Variants in C4BPA observed in about 807,000 individuals in gnomAD.
C4BPA encodes the protein C4b-binding protein alpha chain.
Under a neutral mutation model 63.7 loss-of-function variants are expected in C4BPA, and 31 were observed. That is an observed-to-expected ratio of 0.49 (90% CI 0.37 to 0.66). The LOEUF is 0.66. Ranked by LOEUF, C4BPA falls within the 30% of genes least tolerant of loss-of-function variation. The probability of loss-of-function intolerance (pLI) is 0.00; values close to 1 mark genes in which losing one functional copy is unlikely to be tolerated. For missense variants in C4BPA, 572 were observed against 723.3 expected (o/e 0.79, Z 2.40); for synonymous variants, 259 against 254.7 (o/e 1.02, Z -0.16).
chr1:207,114,109 G>T lies in C4BPA; in HGVS notation c.152G>T (p.Gly51Val), dbSNP rs1177197334. The T allele has an allele frequency of 9.9e-6, 16 of 1,611,024 alleles. No homozygotes were observed. The highest frequency in any genetic ancestry group is 1.3e-5 in the Non-Finnish European group (15 of 1,178,428). ...ALLPAVLGNC[G>V]PPPTLSFAAP... is the part of the protein sequence containing the mutation. ...TCATTTTGGTGTCCAGGCAATTGTG[G>T]TCCTCCACCCACTTTATCATTTGCT... The change falls in exon 3 of 12, where the codon GGT becomes GTT. Residue 51 changes from glycine (G) to valine (V), a missense_variant. By Grantham distance (109) the Gly-to-Val change is moderately radical. Around this residue, in one of 2 missense-constraint regions of C4BPA, gnomAD observed 107 missense variants for 93.9 expected, o/e 1.14. Coordinates refer to ENST00000367070, the MANE Select transcript of C4BPA (RefSeq NM_000715.4).
At chr1:207,135,692 C>A (rs1414827921) in intron 9 of C4BPA, among the ~76,000 whole-genome samples, 2 of 152,150 alleles carry the variant, frequency 1.3e-5, no homozygotes, top group East Asian at 3.9e-4. Context: ...ATATAAAAGT[C>A]GATATGATTC....
intron 1 of C4BPA, among the ~76,000 whole-genome samples, chr1:207,108,539 T>C (rs966956725): frequency 2.0e-5 from 3 of 152,158 alleles, no homozygotes; most frequent in Admixed American, 1.3e-4. Flanking sequence ...AAGACGTAAT[T>C]TGAGCACCAG....
intron 9 of C4BPA, among the ~76,000 whole-genome samples, chr1:207,136,436 C>A (rs185313428): frequency 6.6e-6 from 1 of 152,336 alleles, no homozygotes; most frequent in Admixed American, 6.5e-5. Flanking sequence ...CTTACCTGCT[C>A]CTACCCCAGA....
intron 9 of C4BPA, among the ~76,000 whole-genome samples, chr1:207,137,118 T>C (rs969919941): frequency 2.6e-5 from 4 of 152,264 alleles, no homozygotes; most frequent in Non-Finnish European, 5.9e-5. Flanking sequence ...AAGATCCCCA[T>C]GTATGTATAA....
At position 207,130,231 on chromosome 1, in the gene C4BPA, C is replaced by G. The variant is rs572190823; in HGVS notation, c.890-1315C>G. Among the ~76,000 whole-genome samples the G allele has an allele frequency of 4.6e-5, 7 of 152,242 alleles. No homozygotes were observed. In the South Asian group the frequency reaches 1.2e-3, roughly 27 times the overall value. ...CCTTTAGCATTTCTTGTAAGGATAG[C>G]CTTCTAGTAACAATCAGATACCACT... On this transcript the variant is annotated intron_variant, in intron 7 of 11. Transcript: ENST00000367070.
intron 1 of C4BPA, among the ~76,000 whole-genome samples, chr1:207,110,926 C>T (rs954501664): frequency 3.6e-5 from 5 of 140,640 alleles, no homozygotes; most frequent in Admixed American, 6.7e-5. Flanking sequence ...ATAGTCAATT[C>T]TATTTTGCCA....
chr1:207,144,549 C>T lies in C4BPA; in HGVS notation c.1626C>T (p.Thr542=), dbSNP rs1368170512. Reference sequence around the variant, plus strand: ...CCACCACTTATATCTTTTAGGAGACCCCCGAAGGCTGTGAACAAGTGCTCA... The same window carrying T: ...CCACCACTTATATCTTTTAGGAGACTCCCGAAGGCTGTGAACAAGTGCTCA... ...YPEVPKCEWE[T]PEGCEQVLTG... Residue 542 remains threonine, a synonymous_variant, in exon 12 of 12, where the codon ACC becomes ACT. Transcript: ENST00000367070. 2 of 1,606,410 alleles carry T rather than the reference C, an allele frequency of 1.2e-6. No homozygotes were observed. The highest frequency in any genetic ancestry group is 4.5e-5 in the East Asian group (2 of 44,694).
chr1:207,121,676 TA>T lies in C4BPA; in HGVS notation c.429-2241del, dbSNP rs539669415. On this transcript the variant is annotated intron_variant, in intron 4 of 11. Coordinates refer to ENST00000367070, the MANE Select transcript of C4BPA (RefSeq NM_000715.4). ...ATGTATGTGTATATTTATTTTCTAT[TA>T]AAAATATATGGTGGTATTTAGGAAG... Among the ~76,000 whole-genome samples the T allele has an allele frequency of 1.4e-4, 22 of 152,200 alleles. No individual in the cohort carries two copies. In the South Asian group the frequency reaches 4.6e-3, roughly 32 times the overall value.
At chr1:207,121,236 AATG>A (rs1171714709) in intron 4 of C4BPA, among the ~76,000 whole-genome samples, 3 of 152,176 alleles carry the variant, frequency 2.0e-5, no homozygotes, top group South Asian at 2.1e-4. Flanking sequence ...AAAATAATTT[AATG>A]ATAATTAGCA....
chr1:207,120,458 C>T (rs1684900397), intron 4 of C4BPA, among the ~76,000 whole-genome samples: 1 of 152,180 alleles, frequency 6.6e-6, no homozygotes, highest in African/African-American at 2.4e-5. Context: ...AAGCATTCTT[C>T]CACTGAAGAC....
intron 1 of C4BPA, among the ~76,000 whole-genome samples, chr1:207,105,962 T>C (rs1684551195): frequency 2.0e-5 from 3 of 152,182 alleles, no homozygotes; most frequent in Non-Finnish European, 1.5e-5. Flanking sequence ...TTGGCTAGAG[T>C]AGTCTCAGCT....
chr1:207,108,085 G>T (rs1343257902), intron 1 of C4BPA, among the ~76,000 whole-genome samples: 3 of 152,074 alleles, frequency 2.0e-5, no homozygotes, highest in Non-Finnish European at 4.4e-5. Context: ...CAAATGAAGT[G>T]ATTGGAAATA....
intron 4 of C4BPA, among the ~76,000 whole-genome samples, chr1:207,120,233 T>C (rs918297892): frequency 2.0e-5 from 3 of 152,134 alleles, no homozygotes; most frequent in Non-Finnish European, 4.4e-5. Context: ...TAATTTAGGG[T>C]TTTCAGGTAA....
intron 9 of C4BPA, among the ~76,000 whole-genome samples, chr1:207,138,290 G>A (rs1173430983): frequency 1.3e-5 from 2 of 152,222 alleles, no homozygotes; most frequent in East Asian, 3.9e-4. Context: ...ACCTTTTACT[G>A]CCCATGCTCA....
chr1:207,143,853 T>A lies in C4BPA; in HGVS notation c.1480T>A (p.Leu494Met). Residue 494 changes from leucine to methionine, a missense_variant, in exon 11 of 12, where the codon TTG becomes ATG. By Grantham distance (15) the Leu-to-Met change is conservative. Around this residue, in one of 2 missense-constraint regions of C4BPA, gnomAD observed 465 missense variants for 629.4 expected, o/e 0.74. Coordinates refer to ENST00000367070, the MANE Select transcript of C4BPA (RefSeq NM_000715.4). ...GAAACCAGAATTAGTGAATGGAAGG[T>A]TGTCTGTGGATAAGGATCAGTATGT... ...CRKPELVNGR[L>M]SVDKDQYVEP... 6.2e-7 allele frequency: 1 copy of A among 1,613,508 alleles called. No individual in the cohort carries two copies. The highest frequency in any genetic ancestry group is 8.5e-7 in the Non-Finnish European group (1 of 1,179,586).
intron 6 of C4BPA, 52 bp downstream of exon 6, chr1:207,124,418 A>G: frequency 7.3e-7 from 1 of 1,368,930 alleles, no homozygotes; most frequent in Non-Finnish European, 1.0e-6. Flanking sequence ...CTTTTGTTTA[A>G]AAGAGAAAGA....
chr1:207,142,035 C>T (rs1192978864), intron 10 of C4BPA, among the ~76,000 whole-genome samples: 1 of 152,124 alleles, frequency 6.6e-6, no homozygotes, highest in Non-Finnish European at 1.5e-5. Context: ...CTGTCACCTA[C>T]ATTAGGTATT....
At chr1:207,139,850 T>A (rs1265705624) in intron 9 of C4BPA, among the ~76,000 whole-genome samples, 1 of 152,184 alleles carries the variant, frequency 6.6e-6, no homozygotes, top group Non-Finnish European at 1.5e-5. Flanking sequence ...CAATTAATGA[T>A]TACCAGGCTG....
intron 4 of C4BPA, among the ~76,000 whole-genome samples, chr1:207,120,967 C>G (rs1684909773): frequency 6.6e-6 from 1 of 152,144 alleles, no homozygotes; most frequent in Non-Finnish European, 1.5e-5. Context: ...TGCCATGATG[C>G]CTGGCTAAAG....
Sources: allele counts gnomAD v4.1 joint callset (sites outside exome capture counted in the v4.1 genomes callset), GRCh38; gene constraint gnomAD v4.1.1; regional missense constraint gnomAD v4.1.1; transcripts MANE v1.5; gene names NCBI Gene and HGNC (gene_info 2026-07-23, HGNC 2026-07-21).